The following HMX1 variants were observed in gnomAD, a reference collection of about 807,000 sequenced individuals.
HMX1 encodes the protein H6 family homeobox 1.
In HMX1, 8 loss-of-function variants were observed where a neutral mutation model predicts 8.9. That is an observed-to-expected ratio of 0.90 (90% CI 0.53 to 1.63). The LOEUF is 1.63. Among genes scored for constraint, HMX1 ranks in the 40% most tolerant of loss-of-function variants. The probability of loss-of-function intolerance (pLI) is 0.00; values close to 1 mark genes in which losing one functional copy is unlikely to be tolerated. For synonymous variants in HMX1, 311 were observed against 283.4 expected (o/e 1.10, Z -0.98); for missense variants, 621 against 558.5 (o/e 1.11, Z -1.13).
intron 1 of HMX1, among the ~76,000 whole-genome samples, chr4:8,851,470 G>T (rs1242838205): frequency 6.6e-6 from 1 of 152,184 alleles, no homozygotes; most frequent in Non-Finnish European, 1.5e-5. Flanking sequence ...TTACTCCTAG[G>T]AGGTCTCATG....
At chr4:8,850,930 C>A (rs1721429123) in intron 1 of HMX1, among the ~76,000 whole-genome samples, 1 of 152,268 alleles carries the variant, frequency 6.6e-6, no homozygotes, top group Admixed American at 6.5e-5. Flanking sequence ...ACTGCCTCTC[C>A]AGACACAGCT....
At chr4:8,852,522 A>G (rs930950248) in intron 1 of HMX1, among the ~76,000 whole-genome samples, 2 of 152,186 alleles carry the variant, frequency 1.3e-5, no homozygotes, top group African/African-American at 4.8e-5. Flanking sequence ...GCTCTGCACC[A>G]CGCTGCCTCA....
chr4:8,850,779 C>T (rs546817627), intron 1 of HMX1, among the ~76,000 whole-genome samples: 11 of 152,352 alleles, frequency 7.2e-5, no homozygotes, highest in South Asian at 4.1e-4. Context: ...CCCTGCGACT[C>T]GGTCTTCGCT....
chr4:8,867,623 G>T lies in HMX1; in HGVS notation c.*70C>A. ...CCTTCCCTAACGCCCCCTGAGCCCT[G>T]CGCCTGCCGCTGAATCGCGCGTCCA... On this transcript the variant is annotated 3_prime_UTR_variant, in exon 2 of 2. Transcript: ENST00000400677. The T allele has an allele frequency of 8.3e-7, 1 of 1,202,948 alleles. No individual in the cohort carries two copies. Among genetic ancestry groups the T allele is most frequent in the Non-Finnish European group, 1.0e-6 (1 of 968,890 alleles). 74.5% of individuals were successfully genotyped at this position (1,202,948 alleles called of 1,614,324 possible).
Position 8,868,069 on chromosome 4 carries a change from A to G in HMX1, c.671T>C (p.Leu224Pro). The G allele has an allele frequency of 6.5e-7, 1 of 1,536,482 alleles. No homozygotes were observed. The change falls in exon 2 of 2, where the codon CTG (leucine) becomes CCG (proline). Residue 224 changes from leucine to proline, a missense_variant. By Grantham distance (98) the Leu-to-Pro change is moderately conservative. Coordinates refer to ENST00000400677, the MANE Select transcript of HMX1 (RefSeq NM_018942.3). The surrounding 1 kb of genome is among the most constrained non-coding windows in gnomAD (Gnocchi z 4.6). ...CTCGGCGCTGCTCAGGTAGCGCTTC[A>G]GGTCGAAGGTGGATTCCAGCTGGAA... is the stretch of plus-strand genomic sequence containing the variant. ...QVFQLESTFD[L>P]KRYLSSAERA...
chr4:8,869,789 T>C (rs1577201461), intron 1 of HMX1, among the ~76,000 whole-genome samples: 2 of 152,216 alleles, frequency 1.3e-5, no homozygotes, highest in Middle Eastern at 3.4e-3. Context: ...AGTGAGGAAG[T>C]GGGACCCTAA....
chr4:8,859,471 G>C (rs1421150925), intron 1 of HMX1, among the ~76,000 whole-genome samples: 1 of 152,120 alleles, frequency 6.6e-6, no homozygotes, highest in Non-Finnish European at 1.5e-5. Flanking sequence ...GGCCCTCTGA[G>C]GTGCAGCCTG....
chr4:8,850,085 C>T (rs895482425), intron 1 of HMX1, among the ~76,000 whole-genome samples: 2 of 152,182 alleles, frequency 1.3e-5, no homozygotes, highest in East Asian at 3.9e-4. Flanking sequence ...GATAGGCACA[C>T]GGTGAGTCTG....
In HMX1 at chr4:8,870,762, C is replaced by T. The variant is rs1013249119; in HGVS notation, c.394+459G>A. 6.6e-6 allele frequency among the ~76,000 whole-genome samples: 1 copy of T among 151,644 alleles called. No individual in the cohort carries two copies. The highest frequency in any genetic ancestry group is 2.4e-5 in the African/African-American group (1 of 41,274). On this transcript the variant is annotated intron_variant, in intron 1 of 1. Transcript: ENST00000400677. The surrounding 1 kb of genome is among the most constrained non-coding windows in gnomAD (Gnocchi z 4.4). ...CATCTCTTCCTCCTCTTTTCTCTCT[C>T]GGATCACTCTTGGGTTTCTTTTTCC...
chr4:8,867,835 A>C lies in HMX1; in HGVS notation c.905T>G (p.Leu302Arg). Reference sequence around the variant, plus strand: ...CGCGGCGGGCGCCAGCGGGAAGGGCAGGGTGGCCGGGGGCCCAGCGGCGGC... The same window carrying C: ...CGCGGCGGGCGCCAGCGGGAAGGGCCGGGTGGCCGGGGGCCCAGCGGCGGC... ...AAAAAGPPAT[L>R]PFPLAPAAPA... Residue 302 changes from leucine to arginine, a missense_variant, in exon 2 of 2, where the codon CTG (leucine) becomes CGG (arginine). Leu to Arg is a moderately radical substitution (Grantham distance 102). Coordinates refer to ENST00000400677, the MANE Select transcript of HMX1 (RefSeq NM_018942.3). 8.1e-7 allele frequency: 1 copy of C among 1,234,790 alleles called. No individual in the cohort carries two copies. The highest frequency in any genetic ancestry group is 1.0e-6 in the Non-Finnish European group (1 of 991,318). 76.5% of individuals were successfully genotyped at this position (1,234,790 alleles called of 1,614,324 possible).
rs1039558760 is a variant in HMX1 at position 8,853,512 on chromosome 4, A to G, written c.395-7188T>C. Reference sequence around the variant, plus strand: ...AGGCTGGGAAATGTAGTCTTTAGCTAAGTGCCCAACTGAAATCCAGAAGGG... The same window carrying G: ...AGGCTGGGAAATGTAGTCTTTAGCTGAGTGCCCAACTGAAATCCAGAAGGG... On this transcript the variant is annotated intron_variant, in intron 1 of 1. Transcript: ENST00000506970. This position sits in a 1 kb window ranked among gnomAD's most constrained non-coding sequence, Gnocchi z 4.7. 6.6e-6 allele frequency among the ~76,000 whole-genome samples: 1 copy of G among 152,206 alleles called. No homozygotes were observed. Among genetic ancestry groups the G allele is most frequent in the African/African-American group, 2.4e-5 (1 of 41,468 alleles).
intron 1 of HMX1, among the ~76,000 whole-genome samples, chr4:8,857,600 C>T (rs916378702): frequency 6.6e-6 from 1 of 152,124 alleles, no homozygotes; most frequent in Non-Finnish European, 1.5e-5. Context: ...GCCTGTGGAA[C>T]CCGCAGCCCA....
intron 1 of HMX1, among the ~76,000 whole-genome samples, chr4:8,851,819 G>A (rs1721456680): frequency 6.6e-6 from 1 of 152,200 alleles, no homozygotes; most frequent in African/African-American, 2.4e-5. Context: ...CTGACATCCT[G>A]GAAAGACCAT....
rs1722078671 is a variant in HMX1 at position 8,868,071 on chromosome 4, G to A, written c.669C>T (p.Asp223=). Residue 223 remains aspartate (D), a synonymous_variant, in exon 2 of 2, where the codon GAC becomes GAT. Transcript: ENST00000400677. This position sits in a 1 kb window ranked among gnomAD's most constrained non-coding sequence, Gnocchi z 4.6. ...SQVFQLESTF[D]LKRYLSSAER... Reference sequence around the variant, plus strand: ...CGGCGCTGCTCAGGTAGCGCTTCAGGTCGAAGGTGGATTCCAGCTGGAAGA... The same window carrying A: ...CGGCGCTGCTCAGGTAGCGCTTCAGATCGAAGGTGGATTCCAGCTGGAAGA... The A allele has an allele frequency of 3.3e-6, 5 of 1,537,540 alleles. No homozygotes were observed. Among genetic ancestry groups the A allele is most frequent in the Non-Finnish European group, 4.4e-6 (5 of 1,145,140 alleles).
chr4:8,867,685 G>A lies in HMX1; in HGVS notation c.*8C>T, dbSNP rs1722049804. 8.0e-7 allele frequency: 1 copy of A among 1,245,660 alleles called. No homozygotes were observed. 77.2% of individuals were successfully genotyped at this position (1,245,660 alleles called of 1,614,324 possible). ...AGGGTCGTGGGGAGAGGGCCCGGCA[G>A]GCGGGGCTCACACCAGGCCAGGCAT... On this transcript the variant is annotated 3_prime_UTR_variant, in exon 2 of 2. Transcript: ENST00000400677.
rs1722168806 is a variant in HMX1, at chr4:8,870,287, G to C, written c.394+934C>G. Among the ~76,000 whole-genome samples, 1 of 152,022 alleles carries C rather than the reference G, an allele frequency of 6.6e-6. No individual in the cohort carries two copies. Among genetic ancestry groups the C allele is most frequent in the Non-Finnish European group, 1.5e-5 (1 of 68,000 alleles). ...ACTGGCTTTCCTGGCCTTCCTCCCA[G>C]GGGTCTTCCTAAAGGGCAGGTACAA... On this transcript the variant is annotated intron_variant, in intron 1 of 1. Transcript: ENST00000400677. The surrounding 1 kb of genome is among the most constrained non-coding windows in gnomAD (Gnocchi z 4.4).
At chr4:8,858,522 G>A (rs897224798) in intron 1 of HMX1, among the ~76,000 whole-genome samples, 7 of 152,182 alleles carry the variant, frequency 4.6e-5, no homozygotes, top group African/African-American at 1.4e-4. Context: ...TTTGAGTCCG[G>A]CAGGAGGCCT....
chr4:8,852,236 C>CA (rs1185885210), intron 1 of HMX1, among the ~76,000 whole-genome samples: 1 of 152,258 alleles, frequency 6.6e-6, no homozygotes, highest in Non-Finnish European at 1.5e-5. Flanking sequence ...CAGATGGGCT[C>CA]AGCCAGCAAG....
At chr4:8,854,437 AG>A (rs1287157810) in intron 1 of HMX1, among the ~76,000 whole-genome samples, 1 of 152,256 alleles carries the variant, frequency 6.6e-6, no homozygotes, top group African/African-American at 2.4e-5. Context: ...TATGTCAAGG[AG>A]GGGTGTTAAA....
Sources: allele counts gnomAD v4.1 joint callset (sites outside exome capture counted in the v4.1 genomes callset), GRCh38; gene constraint gnomAD v4.1.1; non-coding constraint Gnocchi (gnomAD v3.1); transcripts MANE v1.5; gene names NCBI Gene and HGNC (gene_info 2026-07-23, HGNC 2026-07-21).